GALC: variants seen among roughly 807,000 people sequenced by gnomAD.
The protein encoded by GALC is galactosylceramidase, also known as galactocerebrosidase.
GALC carries 77 observed loss-of-function variants against 91.8 expected under a neutral mutation model. The observed-to-expected ratio is 0.84, with a 90% CI of 0.70 to 1.01. GALC has a LOEUF of 1.01. Ranked by LOEUF, GALC falls within the 50% of genes least tolerant of loss-of-function variation. GALC has a pLI of 0.00. For synonymous variants in GALC, 357 were observed against 306.7 expected, an observed-to-expected ratio of 1.16 and a Z score of -1.71; for missense variants, 882 against 855.9, an observed-to-expected ratio of 1.03 and a Z score of -0.38.
intron 7 of GALC, among the ~76,000 whole-genome samples, chr14:87,972,454 C>A (rs1886333227): frequency 6.6e-6 from 1 of 152,006 alleles, no homozygotes; most frequent in South Asian, 2.1e-4. Context: ...TTCTTGGGCA[C>A]TGATAATTTT....
intron 7 of GALC, among the ~76,000 whole-genome samples, chr14:87,974,039 T>C (rs1886397823): frequency 6.6e-6 from 1 of 152,196 alleles, no homozygotes. Context: ...GAATAGCTTG[T>C]ATTAGTACAT....
At chr14:87,970,635 C>A (rs955501817) in intron 7 of GALC, among the ~76,000 whole-genome samples, 1 of 150,252 alleles carries the variant, frequency 6.7e-6, no homozygotes, top group African/African-American at 2.4e-5. Flanking sequence ...CCAAGGCGGG[C>A]GGATCACGAG....
upstream of GALC, chr14:87,993,473 G>A (rs1299340611): frequency 3.3e-6 from 5 of 1,535,662 alleles, no homozygotes; most frequent in African/African-American, 1.4e-5. Context: ...GGCCATGAGT[G>A]GCCCTACCAT....
intron 10 of GALC, among the ~76,000 whole-genome samples, chr14:87,958,308 GAAGT>G (rs113010469): frequency 0.11 from 17,140 of 152,072 alleles, 1,122 homozygotes; most frequent in Non-Finnish European, 0.16. Context: ...GTTTAAATCT[GAAGT>G]GAGTCCAATA....
chr14:87,972,371 C>A (rs1345388821), intron 7 of GALC, among the ~76,000 whole-genome samples: 9 of 151,878 alleles, frequency 5.9e-5, no homozygotes, highest in Non-Finnish European at 1.3e-4. Flanking sequence ...ACCTTTAAGG[C>A]AAAAAGAGAG....
chr14:87,991,449 G>A (rs532444534), intron 1 of GALC, among the ~76,000 whole-genome samples: 152 of 152,232 alleles, frequency 1.0e-3, no homozygotes, highest in African/African-American at 3.5e-3. Flanking sequence ...TGATCCGCCC[G>A]CCTCGGAAGC....
intron 10 of GALC, among the ~76,000 whole-genome samples, chr14:87,957,984 T>C (rs1228168397): frequency 2.6e-5 from 4 of 152,084 alleles, no homozygotes; most frequent in Non-Finnish European, 5.9e-5. Flanking sequence ...ACCAACATCA[T>C]CTTTCACAGA....
chr14:87,991,779 C>T (rs1331023260), intron 1 of GALC, among the ~76,000 whole-genome samples: 1 of 152,114 alleles, frequency 6.6e-6, no homozygotes, highest in Non-Finnish European at 1.5e-5. Flanking sequence ...TTCTTCTCAT[C>T]TTAGTAATTT....
rs376099163 is a variant in GALC, at chr14:87,934,810, C to A, written c.1980G>T (p.Lys660Asn). The A allele has an allele frequency of 3.7e-6, 6 of 1,613,074 alleles. No individual in the cohort carries two copies. Among genetic ancestry groups the A allele is most frequent in the Non-Finnish European group, 5.1e-6 (6 of 1,179,458 alleles). Residue 660 changes from lysine (K) to asparagine (N), a missense_variant, in exon 17 of 17, where the codon AAG (lysine) becomes AAT (asparagine). Transcript: ENST00000261304. ...LWTDIPVNFP[K>N]NGWAAIGTHS... Reference sequence around the variant, plus strand: ...GAGTTCCAATTGCAGCCCAGCCATTCTTTGGAAAATTCACAGGGATGTCTG... The same window carrying A: ...GAGTTCCAATTGCAGCCCAGCCATTATTTGGAAAATTCACAGGGATGTCTG...
At chr14:87,992,080 CA>C (rs1355175539) in intron 1 of GALC, among the ~76,000 whole-genome samples, 2 of 149,710 alleles carry the variant, frequency 1.3e-5, no homozygotes, top group African/African-American at 4.8e-5. Context: ...CAGCTAACTC[CA>C]GGGGGAAAAA....
intron 7 of GALC, 128 bp downstream of exon 7, chr14:87,976,230 A>C: frequency 1.1e-6 from 1 of 904,656 alleles, no homozygotes; most frequent in Non-Finnish European, 1.8e-6. Context: ...TGCATGCTTC[A>C]GGTAAGTGAA....
At position 87,952,648 on chromosome 14, in the gene GALC, A is replaced by C. The variant is rs1885360108; in HGVS notation, c.1162-1900T>G. ...CATTCTTTATATCTGAAGGATGAAA[A>C]ACAGCACAAAAATCTTGAAAACTAT... On this transcript the variant is annotated intron_variant, in intron 10 of 16. Transcript: ENST00000261304. 11 of 1,543,956 alleles carry C rather than the reference A, an allele frequency of 7.1e-6. No individual in the cohort carries two copies. In the South Asian group the frequency reaches 1.2e-4, roughly 17 times the overall value.
chr14:87,988,339 G>T, intron 2 of GALC, 116 bp downstream of exon 2: 1 of 1,244,574 alleles, frequency 8.0e-7, no homozygotes, highest in Non-Finnish European at 1.2e-6. Flanking sequence ...TATTCCAAAA[G>T]TAATGTGCCA....
chr14:87,985,252 C>G (rs1886920948), intron 4 of GALC, among the ~76,000 whole-genome samples: 1 of 152,066 alleles, frequency 6.6e-6, no homozygotes, highest in Non-Finnish European at 1.5e-5. Context: ...TTAAGTTCCT[C>G]AGCAATAAAT....
intron 10 of GALC, among the ~76,000 whole-genome samples, chr14:87,961,514 T>C (rs1275269756): frequency 6.6e-6 from 1 of 152,140 alleles, no homozygotes; most frequent in Admixed American, 6.6e-5. Flanking sequence ...ACACATATGC[T>C]AATCCACACC....
rs756735161 is a variant in GALC, at chr14:87,941,542, T to G, written c.1687A>C (p.Lys563Gln). The G allele has an allele frequency of 8.8e-6, 14 of 1,582,874 alleles. No homozygotes were observed. Among genetic ancestry groups the G allele is most frequent in the Non-Finnish European group, 1.2e-5 (14 of 1,152,132 alleles). ...GDYNWTNLTI[K>Q]CDVYIETPDT... ...GGGGTCTCTATGTATACATCACACT[T>G]TATAGTCAGATTGGTCCTGCAAAAT... is the stretch of plus-strand genomic sequence containing the variant. Residue 563 changes from lysine to glutamine, a missense_variant, in exon 15 of 17, where the codon AAG becomes CAG. Transcript: ENST00000261304.
intron 16 of GALC, among the ~76,000 whole-genome samples, chr14:87,938,211 C>T (rs1366114725): frequency 6.6e-6 from 1 of 151,954 alleles, no homozygotes; most frequent in Admixed American, 6.6e-5. Context: ...AAAAGCCTGT[C>T]ACTAAAGGAG....
At chr14:87,992,677 G>C in intron 1 of GALC, 3 of 1,437,710 alleles carry the variant, frequency 2.1e-6, no homozygotes, top group Non-Finnish European at 1.8e-6. Context: ...TTCCAGCCCC[G>C]GCTACTTCAC....
At chr14:87,961,112 A>T (rs1038798087) in intron 10 of GALC, among the ~76,000 whole-genome samples, 1 of 152,230 alleles carries the variant, frequency 6.6e-6, no homozygotes, top group Admixed American at 6.5e-5. Context: ...TTATGACTCA[A>T]TAATAAAAAC....
Sources: allele counts gnomAD v4.1 joint callset (sites outside exome capture counted in the v4.1 genomes callset), GRCh38; gene constraint gnomAD v4.1.1; transcripts MANE v1.5; gene names NCBI Gene and HGNC (gene_info 2026-07-23, HGNC 2026-07-21).